BEST1: variants seen among roughly 807,000 people sequenced by gnomAD.
BEST1 encodes the protein bestrophin 1.
In BEST1, 58 loss-of-function variants were observed where a neutral mutation model predicts 63.3. The observed-to-expected ratio is 0.92, with a 90% confidence interval of 0.74 to 1.14. The LOEUF (loss-of-function observed/expected upper bound fraction) is 1.14, where lower values mean the gene tolerates loss of function less well. BEST1 is among the 50% of genes most tolerant of loss of function. The probability of loss-of-function intolerance (pLI) is 0.00; values close to 1 mark genes in which losing one functional copy is unlikely to be tolerated. For synonymous variants in BEST1, 283 were observed against 291.6 expected, an observed-to-expected ratio of 0.97 and a Z score of 0.30; for missense variants, 671 against 740.1, an observed-to-expected ratio of 0.91 and a Z score of 1.08.
intron 7 of BEST1, chr11:61,958,991 TCA>T (rs1245877416): frequency 8.1e-6 from 2 of 245,628 alleles, no homozygotes; most frequent in Non-Finnish European, 1.6e-5. Context: ...TCAAAACAAA[TCA>T]CACTTTTATG....
intron 7 of BEST1, chr11:61,958,844 GTC>G (rs948620930): frequency 1.3e-5 from 4 of 308,804 alleles, no homozygotes; most frequent in African/African-American, 8.8e-5. Context: ...GGGGGTGTAA[GTC>G]TCTGTCTCTG....
chr11:61,965,459 A>C, downstream of BEST1: 1 of 1,610,446 alleles, frequency 6.2e-7, no homozygotes, highest in Non-Finnish European at 8.5e-7. Flanking sequence ...GAGATTGGTG[A>C]AGAAAGTATT....
chr11:61,959,695 C>T (rs1169933848), intron 8 of BEST1, 117 bp downstream of exon 8: 5 of 1,308,430 alleles, frequency 3.8e-6, no homozygotes, highest in Non-Finnish European at 5.4e-6. Flanking sequence ...TCCCCTCCTC[C>T]CTCCTGCAGC....
intron 4 of BEST1, 102 bp downstream of exon 4, chr11:61,956,053 G>C: frequency 8.4e-7 from 1 of 1,197,482 alleles, no homozygotes; most frequent in Non-Finnish European, 1.2e-6. Context: ...CCCCGGACTC[G>C]GGGGATTGGG....
intron 10 of BEST1, chr11:61,963,754 T>C (rs1017306387): frequency 2.5e-6 from 3 of 1,187,556 alleles, no homozygotes; most frequent in Admixed American, 4.1e-5. Context: ...AAGAATCTTG[T>C]CTTGGGCTGG....
chr11:61,953,267 G>A (rs918329576), intron 2 of BEST1, among the ~76,000 whole-genome samples: 2 of 151,878 alleles, frequency 1.3e-5, no homozygotes, highest in Non-Finnish European at 2.9e-5. Context: ...TTTTACTAGG[G>A]CACCAAGGTA....
chr11:61,964,530 T>C (rs1011951354), downstream of BEST1: 54 of 674,122 alleles, frequency 8.0e-5, no homozygotes, highest in Middle Eastern at 4.0e-4. Flanking sequence ...CCTGGATAGA[T>C]TTCTGATTCA....
In BEST1 at chr11:61,964,219, T is replaced by G; in HGVS notation, c.*97T>G. ...GTCACAGCCATACAGCTGTCCACAC[T>G]GAAGAACATGTCCTACAACAGCCTG... On this transcript the variant is annotated 3_prime_UTR_variant, in exon 11 of 11. Coordinates refer to ENST00000378043, the MANE Select transcript of BEST1 (RefSeq NM_004183.4). The G allele has an allele frequency of 3.1e-6, 5 of 1,596,470 alleles. No individual in the cohort carries two copies. Among genetic ancestry groups the G allele is most frequent in the Non-Finnish European group, 4.3e-6 (5 of 1,172,048 alleles).
intron 4 of BEST1, 108 bp downstream of exon 4, chr11:61,956,059 T>G: frequency 8.8e-7 from 1 of 1,136,476 alleles, no homozygotes; most frequent in Admixed American, 2.3e-5. Context: ...ACTCGGGGGA[T>G]TGGGTGGAGC....
In BEST1 at chr11:61,955,783, C is replaced by A. The variant is rs281865273; in HGVS notation, c.313C>A (p.Arg105Ser). The A allele has an allele frequency of 1.3e-6, 2 of 1,550,038 alleles. No individual in the cohort carries two copies. The highest frequency in any genetic ancestry group is 2.4e-5 in the South Asian group (2 of 84,064). Residue 105 changes from arginine (R) to serine (S), a missense_variant, in exon 4 of 11, where the codon CGC becomes AGC. Transcript: ENST00000378043. The part of the protein sequence containing the change: ...NQYENLPWPD[R>S]LMSLVSGFVE... Reference sequence around the variant, plus strand: ...GTACGAGAACCTGCCGTGGCCCGACCGCCTCATGAGCCTGGTGTCGGGCTT... The same window carrying A: ...GTACGAGAACCTGCCGTGGCCCGACAGCCTCATGAGCCTGGTGTCGGGCTT...
At position 61,955,179 on chromosome 11, in the gene BEST1, C is replaced by G; in HGVS notation, c.225C>G (p.Leu75=). The G allele has an allele frequency of 6.2e-7, 1 of 1,614,206 alleles. No individual in the cohort carries two copies. The highest frequency in any genetic ancestry group is 8.5e-7 in the Non-Finnish European group (1 of 1,180,022). Residue 75 remains leucine (L), a synonymous_variant, in exon 3 of 11, where the codon CTC becomes CTG. Transcript: ENST00000378043. ...LTLYCDSYIQ[L]IPISFVLGFY... ...TGTATTGCGACAGCTACATCCAGCT[C>G]ATCCCCATTTCCTTCGTGCTGGGTG...
At chr11:61,951,594 T>G (rs1401500578) in intron 1 of BEST1, among the ~76,000 whole-genome samples, 177 bp from the exon 2 acceptor site, 1 of 152,188 alleles carries the variant, frequency 6.6e-6, no homozygotes, top group Non-Finnish European at 1.5e-5. Flanking sequence ...TGGGCTCACT[T>G]TCTTGCGTTT....
chr11:61,952,087 C>A, intron 2 of BEST1, 129 bp downstream of exon 2: 1 of 1,198,108 alleles, frequency 8.3e-7, no homozygotes, highest in Non-Finnish European at 1.2e-6. Flanking sequence ...GAGCTCCTGA[C>A]CAGGTCCTGG....
chr11:61,951,844 G>A lies in BEST1; in HGVS notation c.38G>A (p.Arg13His), dbSNP rs281865209. The change falls in exon 2 of 11, where the codon CGC becomes CAC. Residue 13 changes from arginine to histidine, a missense_variant. By Grantham distance (29) the Arg-to-His change is conservative. Transcript: ENST00000378043. Reference protein sequence around the residue: ...ITYTSQVANARLGSFSRLLLC... With the variant: ...ITYTSQVANAHLGSFSRLLLC... ...TACACAAGCCAAGTGGCTAATGCCC[G>A]CTTAGGCTCCTTCTCCCGCCTGCTG... 5.6e-6 allele frequency: 9 copies of A among 1,613,434 alleles called. No individual in the cohort carries two copies. The South Asian group carries it at 6.6e-5, about 12-fold the overall frequency.
intron 2 of BEST1, 23 bp downstream of exon 2, chr11:61,951,981 G>T (rs750997078): frequency 1.2e-6 from 2 of 1,610,058 alleles, no homozygotes; most frequent in Admixed American, 1.7e-5. Flanking sequence ...GGGCTGGGCC[G>T]GGGGGCCTGG....
intron 2 of BEST1, chr11:61,954,898 C>G (rs1401740735): frequency 1.0e-6 from 1 of 985,338 alleles, no homozygotes; most frequent in African/African-American, 1.7e-5. Flanking sequence ...CAAGAAACCA[C>G]TGGAGGGGGC....
intron 2 of BEST1, among the ~76,000 whole-genome samples, chr11:61,952,869 G>C (rs1476347841): frequency 6.6e-6 from 1 of 151,422 alleles, no homozygotes; most frequent in Admixed American, 6.6e-5. Context: ...GCACTTTGAG[G>C]GGCCAAGGTG....
At chr11:61,963,789 A>T (rs982319702) in intron 10 of BEST1, 51 of 1,232,144 alleles carry the variant, frequency 4.1e-5, no homozygotes, top group South Asian at 5.0e-5. Context: ...GGATCACAGG[A>T]GGTCAGGAGT....
chr11:61,955,416 ACC>A, intron 3 of BEST1: 5 of 1,428,072 alleles, frequency 3.5e-6, no homozygotes, highest in Non-Finnish European at 4.6e-6. Context: ...AGCAATGAAA[ACC>A]CCATTTTCTG....
Sources: allele counts gnomAD v4.1 joint callset (sites outside exome capture counted in the v4.1 genomes callset), GRCh38; gene constraint gnomAD v4.1.1; transcripts MANE v1.5; gene names NCBI Gene and HGNC (gene_info 2026-07-23, HGNC 2026-07-21).